The following CFAP20DC variants were observed in gnomAD, a reference collection of about 807,000 sequenced individuals.
CFAP20DC encodes the protein protein CFAP20DC.
CFAP20DC carries 84 observed loss-of-function variants against 101.7 expected under a neutral mutation model. That is an observed-to-expected ratio of 0.83 (90% CI 0.69 to 0.99). The LOEUF (loss-of-function observed/expected upper bound fraction) is 0.99. Ranked by LOEUF, CFAP20DC falls within the 50% of genes least tolerant of loss-of-function variation. The pLI is 0.00. For missense variants in CFAP20DC, 1,007 were observed against 970.3 expected, an observed-to-expected ratio of 1.04 and a Z score of -0.50; for synonymous variants, 359 against 351.2, an observed-to-expected ratio of 1.02 and a Z score of -0.25.
chr3:58,907,088 G>A (rs540358724), intron 6 of CFAP20DC, among the ~76,000 whole-genome samples: 1 of 149,318 alleles, frequency 6.7e-6, no homozygotes, highest in Admixed American at 6.6e-5. Context: ...TTCCTACTTT[G>A]TGCCTCGTGT....
At chr3:58,867,964 C>A in intron 9 of CFAP20DC, 28 bp from the exon 10 acceptor site, 1 of 1,582,586 alleles carries the variant, frequency 6.3e-7, no homozygotes, top group Non-Finnish European at 8.6e-7. Context: ...AGCACAAAAG[C>A]CAGAACAGAA....
intron 5 of CFAP20DC, among the ~76,000 whole-genome samples, chr3:58,935,852 C>T (rs1378804989): frequency 2.0e-5 from 3 of 152,160 alleles, no homozygotes; most frequent in South Asian, 2.1e-4. Flanking sequence ...CCATTCAGGA[C>T]ATAGGCATGG....
intron 16 of CFAP20DC, among the ~76,000 whole-genome samples, chr3:58,747,672 A>C (rs1446614778): frequency 6.6e-6 from 1 of 152,158 alleles, no homozygotes; most frequent in Non-Finnish European, 1.5e-5. Context: ...ACAGTGAGGG[A>C]TCACCATTTG....
chr3:58,759,267 T>G (rs544911814), intron 15 of CFAP20DC, among the ~76,000 whole-genome samples: 2 of 152,240 alleles, frequency 1.3e-5, no homozygotes, highest in African/African-American at 2.4e-5. Flanking sequence ...GTGGTTTTGA[T>G]TTGCATTTCT....
intron 15 of CFAP20DC, among the ~76,000 whole-genome samples, chr3:58,769,948 A>T (rs1359098901): frequency 6.6e-6 from 1 of 152,190 alleles, no homozygotes; most frequent in African/African-American, 2.4e-5. Flanking sequence ...AACAGAGAGG[A>T]TCCAGTTTCC....
intron 4 of CFAP20DC, among the ~76,000 whole-genome samples, chr3:58,961,855 G>A (rs1263073406): frequency 1.3e-5 from 2 of 151,880 alleles, no homozygotes; most frequent in East Asian, 3.9e-4. Context: ...AATTTCTAAA[G>A]GGTTATGAGC....
intron 4 of CFAP20DC, among the ~76,000 whole-genome samples, chr3:58,974,560 G>A (rs888673303): frequency 4.1e-4 from 62 of 152,184 alleles, no homozygotes; most frequent in African/African-American, 1.5e-3. Flanking sequence ...TATGGCAGAT[G>A]CACCTGAATA....
At chr3:58,846,701 C>T (rs62252043) in intron 13 of CFAP20DC, among the ~76,000 whole-genome samples, 5 of 151,178 alleles carry the variant, frequency 3.3e-5, no homozygotes, top group Admixed American at 2.0e-4. Context: ...GAGCCCGCAT[C>T]GCCAAGTCAA....
intron 7 of CFAP20DC, among the ~76,000 whole-genome samples, chr3:58,880,647 C>G (rs1330041015): frequency 6.6e-6 from 1 of 151,990 alleles, no homozygotes; most frequent in African/African-American, 2.4e-5. Context: ...AGAAATTTTA[C>G]AGAAAAATTA....
chr3:58,973,996 G>A (rs912845545), intron 4 of CFAP20DC, among the ~76,000 whole-genome samples: 18 of 152,156 alleles, frequency 1.2e-4, no homozygotes, highest in Middle Eastern at 3.2e-3. Flanking sequence ...GAGGTCAAGG[G>A]AGTCTGGGTG....
At position 58,914,560 on chromosome 3, in the gene CFAP20DC, A is replaced by G. The variant is rs1056385600; in HGVS notation, c.394-696T>C. Among the ~76,000 whole-genome samples the G allele has an allele frequency of 1.3e-5, 2 of 152,032 alleles. No homozygotes were observed. Among genetic ancestry groups the G allele is most frequent in the African/African-American group, 4.8e-5 (2 of 41,432 alleles). On this transcript the variant is annotated intron_variant, in intron 5 of 16. Transcript: ENST00000482387. The surrounding 1 kb of genome is among the most constrained non-coding windows in gnomAD (Gnocchi z 4.9). ...TATTTAAGACTGTAGGACAAAAGCC[A>G]GAAAAATAATTTTTGAAATGAAAAG...
rs546171220 is a variant in CFAP20DC at position 58,728,713 on chromosome 3, G to A, written c.198-11085C>T. 2.6e-4 allele frequency among the ~76,000 whole-genome samples: 40 copies of A among 152,292 alleles called. No individual in the cohort carries two copies. Among genetic ancestry groups the A allele is most frequent in the Non-Finnish European group, 5.0e-4 (34 of 68,034 alleles). On this transcript the variant is annotated intron_variant, in intron 3 of 3. Coordinates refer to the CFAP20DC transcript ENST00000486145. The surrounding 1 kb of genome is among the most constrained non-coding windows in gnomAD (Gnocchi z 4.7). ...GGTAAATGCATGAACTCTACACACC[G>A]TATTGGAGAGAACTGACATTTTAAT...
intron 5 of CFAP20DC, among the ~76,000 whole-genome samples, chr3:58,930,047 G>C (rs530166923): frequency 6.6e-6 from 1 of 152,000 alleles, no homozygotes; most frequent in African/African-American, 2.4e-5. Context: ...TGTCTTTCAA[G>C]GCCAAGCTCA....
intron 15 of CFAP20DC, among the ~76,000 whole-genome samples, chr3:58,775,853 C>G (rs1394303841): frequency 6.6e-6 from 1 of 150,734 alleles, no homozygotes; most frequent in Admixed American, 6.6e-5. Context: ...TCAAGCGATT[C>G]TCCTGCCTCA....
At chr3:58,856,432 C>A (rs1191092192) in intron 12 of CFAP20DC, among the ~76,000 whole-genome samples, 1 of 152,094 alleles carries the variant, frequency 6.6e-6, no homozygotes. Context: ...AAAAATAAGA[C>A]AGGCGAAAAT....
Position 58,946,113 on chromosome 3 carries a change from A to ATT in CFAP20DC, c.279-8353_279-8352dup, listed in dbSNP as rs57865077. Reference sequence around the variant, plus strand: ...TTTTACTGGTTTCTCAACTGCCCCAATTTTTTTTTTTTTTTTTTTTTGAGA... The same window carrying ATT: ...TTTTACTGGTTTCTCAACTGCCCCAATTTTTTTTTTTTTTTTTTTTTTTGAGA... On this transcript the variant is annotated intron_variant, in intron 4 of 16. Transcript: ENST00000482387. 1.6e-3 allele frequency among the ~76,000 whole-genome samples: 192 copies of ATT among 123,812 alleles called. 1 individual carries two copies. The highest frequency in any genetic ancestry group is 2.4e-3 in the Non-Finnish European group (146 of 59,838). The allele number at this position is 123,812 out of a possible 152,430, so 81.2% of individuals were successfully genotyped here. A position where few individuals can be genotyped will look rare whatever the true frequency, so the allele number is the denominator to read the frequency against.
chr3:58,757,153 G>T (rs2069031911), intron 15 of CFAP20DC, among the ~76,000 whole-genome samples: 1 of 151,978 alleles, frequency 6.6e-6, no homozygotes, highest in Non-Finnish European at 1.5e-5. Flanking sequence ...TCTTCACAAG[G>T]GTTGTACCTG....
chr3:58,794,243 G>T, intron 15 of CFAP20DC: 2 of 423,972 alleles, frequency 4.7e-6, no homozygotes, highest in Admixed American at 2.5e-5. Context: ...TTTTTCCCAT[G>T]CCTACACCAA....
intron 4 of CFAP20DC, among the ~76,000 whole-genome samples, chr3:58,954,140 A>G (rs1210807090): frequency 6.6e-6 from 1 of 152,226 alleles, no homozygotes; most frequent in African/African-American, 2.4e-5. Context: ...ATTACTTTTC[A>G]ATTCAATTTT....
Sources: gnomAD v4.1 joint callset for allele counts (sites outside exome capture counted in the v4.1 genomes callset) on GRCh38, gnomAD v4.1.1 for gene constraint, Gnocchi (gnomAD v3.1) non-coding constraint, MANE v1.5 for transcripts, NCBI Gene and HGNC (gene_info 2026-07-23, HGNC 2026-07-21) for gene names.